INPP5D: variants seen among roughly 807,000 people sequenced by gnomAD.
INPP5D encodes inositol polyphosphate-5-phosphatase D, also known as phosphatidylinositol 3,4,5-trisphosphate 5-phosphatase 1.
A neutral mutation model predicts 122.9 loss-of-function variants in INPP5D; 33 were observed. The observed-to-expected ratio is 0.27, with a 90% CI of 0.20 to 0.36. The LOEUF (loss-of-function observed/expected upper bound fraction) is 0.36, where lower values mean the gene tolerates loss of function less well. Ranked by LOEUF, INPP5D falls within the 10% of genes least tolerant of loss-of-function variation. The pLI is 1.00. For missense variants in INPP5D, 1,053 were observed against 1,412.7 expected, an observed-to-expected ratio of 0.75 and a Z score of 4.08; for synonymous variants, 584 against 576.2, an observed-to-expected ratio of 1.01 and a Z score of -0.19.
At chr2:233,148,707 T>C (rs1693838779) in intron 9 of INPP5D, among the ~76,000 whole-genome samples, 1 of 152,170 alleles carries the variant, frequency 6.6e-6, no homozygotes, top group South Asian at 2.1e-4. Context: ...TTTCTTCATC[T>C]GGGTGGCCAA....
rs550792293 is a variant in INPP5D, at chr2:233,069,462, ATCT to A, written c.134+8860_134+8862del. On this transcript the variant is annotated intron_variant, in intron 1 of 26. Coordinates refer to ENST00000445964, the MANE Select transcript of INPP5D (RefSeq NM_001017915.3). ...ATAACCATTGTTAATTCACTGGTGT[ATCT>A]TCTTCTTCTCTCTACCTCCCTGTAT... is the stretch of plus-strand genomic sequence containing the variant. 3.1e-4 allele frequency among the ~76,000 whole-genome samples: 47 copies of A among 152,356 alleles called. 1 individual carries two copies. The East Asian group carries it at 8.7e-3, about 28-fold the overall frequency.
At chr2:233,175,413 A>G (rs1043773924) in intron 17 of INPP5D, among the ~76,000 whole-genome samples, 10 of 152,130 alleles carry the variant, frequency 6.6e-5, no homozygotes, top group Non-Finnish European at 1.5e-4. Context: ...CCATTTATAT[A>G]CGTTCATATA....
chr2:233,182,358 G>T, intron 18 of INPP5D, 52 bp from the exon 19 acceptor site: 1 of 1,608,636 alleles, frequency 6.2e-7, no homozygotes, highest in South Asian at 1.1e-5. Context: ...TCCTTGGCCT[G>T]ACCGGAAGGG....
intron 1 of INPP5D, among the ~76,000 whole-genome samples, chr2:233,069,063 G>C (rs575447737): frequency 5.2e-4 from 79 of 152,346 alleles, no homozygotes; most frequent in African/African-American, 1.9e-3. Flanking sequence ...GTTCCATGAC[G>C]GGGGTACTCA....
chr2:233,194,429 G>A (rs117665394), intron 23 of INPP5D, among the ~76,000 whole-genome samples: 6 of 150,870 alleles, frequency 4.0e-5, no homozygotes, highest in Admixed American at 3.3e-4. Flanking sequence ...ACAGGCCCTC[G>A]TACGTACCTA....
intron 1 of INPP5D, among the ~76,000 whole-genome samples, chr2:233,069,484 C>T (rs1021813737): frequency 2.0e-5 from 3 of 152,136 alleles, no homozygotes; most frequent in African/African-American, 7.2e-5. Context: ...TCTCTACCTC[C>T]CTGTATGTAT....
rs187418628 is a variant in INPP5D at position 233,079,971 on chromosome 2, C to T, written c.198+573C>T. Among the ~76,000 whole-genome samples, 218 of 152,230 alleles carry T rather than the reference C, an allele frequency of 1.4e-3. 1 individual carries two copies. The highest frequency in any genetic ancestry group is 4.9e-3 in the African/African-American group (204 of 41,532). On this transcript the variant is annotated intron_variant, in intron 2 of 26. Transcript: ENST00000445964. ...TGAGACAGAGTTTCACTCTTGTCAC[C>T]CAGGCTGGAGTGCAGTGGCGCCATG...
Position 233,094,819 on chromosome 2 carries a change from A to G in INPP5D, c.198+15421A>G, listed in dbSNP as rs138322051. 3.0e-3 allele frequency among the ~76,000 whole-genome samples: 452 copies of G among 152,310 alleles called. 1 individual carries two copies. Among genetic ancestry groups the G allele is most frequent in the African/African-American group, 0.01 (426 of 41,568 alleles). ...GGAATGGCAGTCAGTCTCACTCACC[A>G]CGGGAGGGAGTGCAAATGCCGACAA... On this transcript the variant is annotated intron_variant, in intron 2 of 26. Coordinates refer to ENST00000445964, the MANE Select transcript of INPP5D (RefSeq NM_001017915.3).
At chr2:233,173,324 C>T (rs1335151181) in intron 17 of INPP5D, among the ~76,000 whole-genome samples, 5 of 151,982 alleles carry the variant, frequency 3.3e-5, no homozygotes, top group African/African-American at 9.7e-5. Flanking sequence ...TGAATGAGTG[C>T]GAAGGCCTAG....
chr2:233,083,561 T>C (rs1239077035), intron 2 of INPP5D, among the ~76,000 whole-genome samples: 1 of 151,772 alleles, frequency 6.6e-6, no homozygotes, highest in Admixed American at 6.6e-5. Flanking sequence ...ACCAAGAGAG[T>C]GGGTTTCTTG....
rs1332455238 is a variant in INPP5D, at chr2:233,204,666, G to A, written c.3516G>A (p.Lys1172=). Residue 1172 remains lysine, a synonymous_variant, in exon 26 of 27, where the codon AAG becomes AAA. Transcript: ENST00000445964. ...RDNTELPHHG[K]HRPEEGPPGP... ...ACACCGAGCTCCCGCATCACGGCAA[G>A]CACCGGCCGGAGGAGGGGCCACCAG... 2 of 1,576,080 alleles carry A rather than the reference G, an allele frequency of 1.3e-6. No individual in the cohort carries two copies. The highest frequency in any genetic ancestry group is 1.7e-6 in the Non-Finnish European group (2 of 1,162,322).
chr2:233,107,214 G>A (rs1435719766), intron 2 of INPP5D, among the ~76,000 whole-genome samples: 1 of 152,200 alleles, frequency 6.6e-6, no homozygotes, highest in African/African-American at 2.4e-5. Flanking sequence ...TAGGCAGGGG[G>A]TAGGCAGGGA....
chr2:233,083,851 C>T (rs1370332635), intron 2 of INPP5D, among the ~76,000 whole-genome samples: 1 of 152,204 alleles, frequency 6.6e-6, no homozygotes, highest in Non-Finnish European at 1.5e-5. Flanking sequence ...GGCCCTTCGG[C>T]TCCACCCTAC....
At chr2:233,186,094 G>A (rs529015831) in intron 21 of INPP5D, among the ~76,000 whole-genome samples, 169 bp downstream of exon 21, 29 of 152,290 alleles carry the variant, frequency 1.9e-4, no homozygotes, top group African/African-American at 5.5e-4. Context: ...AAGGTGGTTC[G>A]TAACACACTT....
Position 233,206,418 on chromosome 2 carries a change from T to G in INPP5D, c.3568-288T>G, listed in dbSNP as rs903639238. Among the ~76,000 whole-genome samples, 32 of 152,098 alleles carry G rather than the reference T, an allele frequency of 2.1e-4. No homozygotes were observed. Among genetic ancestry groups the G allele is most frequent in the Non-Finnish European group, 2.9e-4 (20 of 68,022 alleles). ...GCCATGCACCTGTAGTCCCAGCTAC[T>G]GGGGAGGCTGAGGCATGAGGCTAGC... is the stretch of plus-strand genomic sequence containing the variant. On this transcript the variant is annotated intron_variant, in intron 26 of 26. Coordinates refer to ENST00000445964, the MANE Select transcript of INPP5D (RefSeq NM_001017915.3). This position sits in a 1 kb window ranked among gnomAD's most constrained non-coding sequence, Gnocchi z 4.0.
intron 2 of INPP5D, among the ~76,000 whole-genome samples, chr2:233,102,826 G>A (rs534607395): frequency 1.4e-5 from 2 of 146,880 alleles, no homozygotes; most frequent in East Asian, 4.0e-4. Flanking sequence ...CTCCAGCCTG[G>A]GCGACAGAGC....
Position 233,139,882 on chromosome 2 carries a change from A to T in INPP5D, c.706A>T (p.Arg236Trp). 1 of 398,738 alleles carries T rather than the reference A, an allele frequency of 2.5e-6. No individual in the cohort carries two copies. Among genetic ancestry groups the T allele is most frequent in the Non-Finnish European group, 4.4e-6 (1 of 226,254 alleles). The allele number at this position is 398,738 out of a possible 1,614,324, so 24.7% of individuals were successfully genotyped here. ...CCTCCCATCCCTGGAGTCTCTGCAGAGGTTATTTGACCAGCAGCTCTCCCC... is the reference window on the plus strand; with the variant it reads ...CCTCCCATCCCTGGAGTCTCTGCAGTGGTTATTTGACCAGCAGCTCTCCCC... ...RTLPSLESLQ[R>W]LFDQQLSPGL... Residue 236 changes from arginine to tryptophan, a missense_variant, in exon 6 of 27, where the codon AGG (arginine) becomes TGG (tryptophan). Arg to Trp is a moderately radical substitution (Grantham distance 101). Around this residue, in one of 6 missense-constraint regions of INPP5D, gnomAD observed 196 missense variants for 175.6 expected, o/e 1.12. Coordinates refer to ENST00000445964, the MANE Select transcript of INPP5D (RefSeq NM_001017915.3).
rs976056418 is a variant in INPP5D, at chr2:233,183,047, C to T, written c.2161+548C>T. On this transcript the variant is annotated intron_variant, in intron 19 of 26. Transcript: ENST00000445964. The surrounding 1 kb of genome is among the most constrained non-coding windows in gnomAD (Gnocchi z 4.6). Reference sequence around the variant, plus strand: ...AATCGTTAAGATGGGATGCAAATGACTGAGTTTTGGGAAACACCACAGTAA... The same window carrying T: ...AATCGTTAAGATGGGATGCAAATGATTGAGTTTTGGGAAACACCACAGTAA... Among the ~76,000 whole-genome samples the T allele has an allele frequency of 6.6e-6, 1 of 152,160 alleles. No homozygotes were observed. Among genetic ancestry groups the T allele is most frequent in the Admixed American group, 6.5e-5 (1 of 15,272 alleles).
At chr2:233,069,845 G>A (rs1691327444) in intron 1 of INPP5D, among the ~76,000 whole-genome samples, 1 of 152,100 alleles carries the variant, frequency 6.6e-6, no homozygotes, top group Non-Finnish European at 1.5e-5. Context: ...TATAGATTCC[G>A]AGGAGTGGAA....
Sources: allele counts gnomAD v4.1 joint callset (sites outside exome capture counted in the v4.1 genomes callset), GRCh38; gene constraint gnomAD v4.1.1; regional missense constraint gnomAD v4.1.1; non-coding constraint Gnocchi (gnomAD v3.1); transcripts MANE v1.5; gene names NCBI Gene and HGNC (gene_info 2026-07-23, HGNC 2026-07-21).